SCAF4: variants seen among roughly 807,000 people sequenced by gnomAD.
SCAF4 encodes SR-related CTD associated factor 4.
In SCAF4, 25 loss-of-function variants were observed where a neutral mutation model predicts 129.8. The observed-to-expected ratio is 0.19, with a 90% confidence interval of 0.14 to 0.27. The LOEUF is 0.27. SCAF4 is among the 10% of genes least tolerant of loss of function. The pLI, the probability that SCAF4 is intolerant of heterozygous loss-of-function variation, is 1.00. For missense variants in SCAF4, 1,246 were observed against 1,457.1 expected (o/e 0.86, Z 2.36); for synonymous variants, 551 against 497.7 (o/e 1.11, Z -1.43).
chr21:31,676,639 G>A (rs1242601015), intron 19 of SCAF4, among the ~76,000 whole-genome samples: 1 of 152,120 alleles, frequency 6.6e-6, no homozygotes, highest in African/African-American at 2.4e-5. Context: ...GAGGACACAT[G>A]TTCAAGGTCC....
At chr21:31,717,842 T>TGTACAC in intron 1 of SCAF4, among the ~76,000 whole-genome samples, 1 of 114,384 alleles carries the variant, frequency 8.7e-6, no homozygotes, top group East Asian at 2.4e-4. Context: ...TATATATATA[T>TGTACAC]ACACACACAC....
intron 1 of SCAF4, among the ~76,000 whole-genome samples, chr21:31,717,750 CAAT>C: frequency 6.7e-6 from 1 of 148,314 alleles, no homozygotes; most frequent in South Asian, 2.1e-4. Flanking sequence ...CAAATCCTTA[CAAT>C]AACTGAAGCC....
At chr21:31,713,915 G>C (rs901992501) in intron 1 of SCAF4, among the ~76,000 whole-genome samples, 1 of 151,780 alleles carries the variant, frequency 6.6e-6, no homozygotes, top group African/African-American at 2.4e-5. Flanking sequence ...CAAACCTCAG[G>C]AAAAAAGCTA....
At chr21:31,711,812 T>G (rs1217935811) in intron 1 of SCAF4, among the ~76,000 whole-genome samples, 1 of 152,088 alleles carries the variant, frequency 6.6e-6, no homozygotes, top group Non-Finnish European at 1.5e-5. Flanking sequence ...AACCCAAGAA[T>G]TTTTTAAAGA....
chr21:31,689,262 G>A (rs911990057), intron 15 of SCAF4, among the ~76,000 whole-genome samples: 2 of 151,564 alleles, frequency 1.3e-5, no homozygotes, highest in Non-Finnish European at 2.9e-5. Flanking sequence ...TCTCTTTTTG[G>A]CTCTGAAACC....
At chr21:31,699,891 C>T (rs1229256655) in intron 7 of SCAF4, among the ~76,000 whole-genome samples, 1 of 152,174 alleles carries the variant, frequency 6.6e-6, no homozygotes, top group Non-Finnish European at 1.5e-5. Flanking sequence ...TTAGTGGCAG[C>T]TTCTTAAACA....
chr21:31,706,073 AC>A (rs1328279727), intron 2 of SCAF4, among the ~76,000 whole-genome samples, 200 bp downstream of exon 2: 1 of 152,014 alleles, frequency 6.6e-6, no homozygotes, highest in African/African-American at 2.4e-5. Flanking sequence ...CTATCCCCCT[AC>A]CCCCACCAAA....
At chr21:31,698,330 G>C (rs1478921008) in intron 7 of SCAF4, among the ~76,000 whole-genome samples, 3 of 151,992 alleles carry the variant, frequency 2.0e-5, no homozygotes, top group Non-Finnish European at 2.9e-5. Context: ...TAAACTTATG[G>C]GCCAGTCCAC....
chr21:31,704,098 T>C (rs1250385422), intron 3 of SCAF4, among the ~76,000 whole-genome samples, 172 bp from the exon 4 acceptor site: 2 of 152,066 alleles, frequency 1.3e-5, no homozygotes, highest in Non-Finnish European at 2.9e-5. Context: ...TTCCCATGTC[T>C]ATAATGGAAC....
At position 31,693,348 on chromosome 21, in the gene SCAF4, CTT is replaced by C; in HGVS notation, c.1457_1458del (p.Lys486ArgfsTer49). 6.5e-7 allele frequency: 1 copy of C among 1,547,170 alleles called. No homozygotes were observed. The highest frequency in any genetic ancestry group is 8.8e-7 in the Non-Finnish European group (1 of 1,133,574). On this transcript the variant is annotated frameshift_variant, in exon 12 of 20. Transcript: ENST00000286835. LOFTEE classifies it high-confidence loss of function. ...SRSQERRDRE[K>X]ERERRQKGLP... ...AGGCCTTTTTGTCGACGTTCTCTCT[CTT>C]TTTCTCGATCCCGTCTTTCTTGAGA...
In SCAF4 at chr21:31,673,941, T is replaced by A. The variant is rs532667619; in HGVS notation, c.2489-1587A>T. On this transcript the variant is annotated intron_variant, in intron 19 of 19. Coordinates refer to ENST00000286835, the MANE Select transcript of SCAF4 (RefSeq NM_020706.2). The stretch of plus-strand genomic sequence containing the variant: ...CATAGAACATTCTGGTGCCTATCTA[T>A]AGGTTCAAGTGGCCAAGCCAAATTA... Among the ~76,000 whole-genome samples, 3 of 152,348 alleles carry A rather than the reference T, an allele frequency of 2.0e-5. No individual in the cohort carries two copies. In the South Asian group the frequency reaches 6.2e-4, roughly 32 times the overall value.
rs2050395737 is a variant in SCAF4, at chr21:31,696,663, C to T, written c.865G>A (p.Ala289Thr). Residue 289 changes from alanine (A) to threonine (T), a missense_variant, in exon 8 of 20, where the codon GCA becomes ACA. Coordinates refer to ENST00000286835, the MANE Select transcript of SCAF4 (RefSeq NM_020706.2). ...KEDTTAVTTT[A>T]PAAAVPPAPT... ...GCAGGGGGTACTGCGGCAGCAGGTGCTGTCGTGGTGACGGCAGTGGTATCC... is the reference window on the plus strand; with the variant it reads ...GCAGGGGGTACTGCGGCAGCAGGTGTTGTCGTGGTGACGGCAGTGGTATCC... 6 of 1,613,966 alleles carry T rather than the reference C, an allele frequency of 3.7e-6. No homozygotes were observed. In the South Asian group the frequency reaches 5.5e-5, roughly 15 times the overall value.
intron 9 of SCAF4, among the ~76,000 whole-genome samples, chr21:31,695,628 A>G (rs1397415864): frequency 2.0e-5 from 3 of 152,234 alleles, no homozygotes; most frequent in Non-Finnish European, 4.4e-5. Flanking sequence ...CATAATTTAG[A>G]TACAGAATCA....
At position 31,685,184 on chromosome 21, in the gene SCAF4, T is replaced by A. The variant is rs1224081964; in HGVS notation, c.2353A>T (p.Ile785Phe). The A allele has an allele frequency of 6.2e-7, 1 of 1,612,066 alleles. No homozygotes were observed. Among genetic ancestry groups the A allele is most frequent in the Non-Finnish European group, 8.5e-7 (1 of 1,178,942 alleles). Residue 785 changes from isoleucine (I) to phenylalanine (F), a missense_variant, in exon 19 of 20, where the codon ATT (isoleucine) becomes TTT (phenylalanine). Ile to Phe is a conservative substitution (Grantham distance 21, BLOSUM62 0). Transcript: ENST00000286835. Reference protein sequence around the residue: ...TTKDLSIGNPIPTVVSGARGN... With the variant: ...TTKDLSIGNPFPTVVSGARGN... ...CTAGCCCCAGACACCACTGTTGGAA[T>A]GGGATTTCCAATAGATAAGTCTTTT...
At chr21:31,708,403 G>T (rs1601244710) in intron 1 of SCAF4, among the ~76,000 whole-genome samples, 1 of 150,156 alleles carries the variant, frequency 6.7e-6, no homozygotes, top group South Asian at 2.1e-4. Context: ...GAAAAGAAAA[G>T]AAAAGAAAAA....
At chr21:31,680,945 A>C (rs2049981393) in intron 19 of SCAF4, among the ~76,000 whole-genome samples, 1 of 152,220 alleles carries the variant, frequency 6.6e-6, no homozygotes. Flanking sequence ...CGCTTGTTTA[A>C]ATATAATTCA....
rs200285476 is a variant in SCAF4, at chr21:31,684,891, AAAAC to A, written c.2488+154_2488+157del. 572 of 589,122 alleles carry A rather than the reference AAAAC, an allele frequency of 9.7e-4. 5 individuals carry two copies. The East Asian group carries it at 0.011, about 12-fold the overall frequency. 36.5% of individuals were successfully genotyped at this position (589,122 alleles called of 1,614,324 possible). On this transcript the variant is annotated intron_variant, in intron 19 of 19. Transcript: ENST00000286835. ...GACTTTAAGAGGAAGATCTTCCTCA[AAAAC>A]AAACAAACAAACAAAACAACCAAAA...
At position 31,693,414 on chromosome 21, in the gene SCAF4, G is replaced by A. The variant is rs1407926295; in HGVS notation, c.1393C>T (p.Arg465Trp). The A allele has an allele frequency of 5.7e-6, 9 of 1,570,690 alleles. No homozygotes were observed. The highest frequency in any genetic ancestry group is 5.1e-5 in the Admixed American group (3 of 58,732). Reference protein sequence around the residue: ...RRSRHRRSRSRSRDRRRHSPR... With the variant: ...RRSRHRRSRSWSRDRRRHSPR... Reference sequence around the variant, plus strand: ...GAATGTCGGCGTCTATCCCTGGACCGAGATCGAGAACGTCGATGCCGAGAC... The same window carrying A: ...GAATGTCGGCGTCTATCCCTGGACCAAGATCGAGAACGTCGATGCCGAGAC... The change falls in exon 12 of 20, where the codon CGG (arginine) becomes TGG (tryptophan). Residue 465 changes from arginine (R) to tryptophan (W), a missense_variant. Coordinates refer to ENST00000286835, the MANE Select transcript of SCAF4 (RefSeq NM_020706.2).
At chr21:31,731,239 C>G (rs1361430805) in intron 1 of SCAF4, among the ~76,000 whole-genome samples, 6 of 152,204 alleles carry the variant, frequency 3.9e-5, no homozygotes, top group African/African-American at 1.2e-4. Flanking sequence ...GATGCTCCCG[C>G]TCCCCCGCCC....
Sources: gnomAD v4.1 joint callset for allele counts (sites outside exome capture counted in the v4.1 genomes callset) on GRCh38, gnomAD v4.1.1 for gene constraint, MANE v1.5 for transcripts, NCBI Gene and HGNC (gene_info 2026-07-23, HGNC 2026-07-21) for gene names.